ADGRL3: variants seen among roughly 807,000 people sequenced by gnomAD.
ADGRL3 encodes the protein adhesion G protein-coupled receptor L3, also known as calcium-independent alpha-latrotoxin receptor 3.
Under a neutral mutation model 153.5 loss-of-function variants are expected in ADGRL3, and 62 were observed. The ratio of observed to expected loss-of-function variants is 0.40; its 90% CI spans 0.33 to 0.50. The LOEUF (loss-of-function observed/expected upper bound fraction) is 0.50. Among genes scored for constraint, ADGRL3 ranks in the 20% least tolerant of loss-of-function variants. The pLI, the probability that ADGRL3 is intolerant of heterozygous loss-of-function variation, is 0.47. For missense variants in ADGRL3, 1,641 were observed against 1,859.4 expected (o/e 0.88, Z 2.16); for synonymous variants, 710 against 672.5 (o/e 1.06, Z -0.86).
At chr4:61,988,081 T>A (rs2099091907) in intron 19 of ADGRL3, among the ~76,000 whole-genome samples, 1 of 152,166 alleles carries the variant, frequency 6.6e-6, no homozygotes, top group African/African-American at 2.4e-5. Context: ...TGGATTTTGA[T>A]GTTTTTCTAT....
intron 1 of ADGRL3, among the ~76,000 whole-genome samples, chr4:61,265,315 A>G (rs955610536): frequency 2.0e-5 from 3 of 151,920 alleles, no homozygotes; most frequent in African/African-American, 4.8e-5. Context: ...ACAATTCACA[A>G]GATTATTTCT....
At chr4:61,854,662 T>C (rs952431558) in intron 9 of ADGRL3, among the ~76,000 whole-genome samples, 1 of 152,164 alleles carries the variant, frequency 6.6e-6, no homozygotes, top group Non-Finnish European at 1.5e-5. Flanking sequence ...TGGAGCTTAA[T>C]CCCTTCCTCT....
intron 4 of ADGRL3, among the ~76,000 whole-genome samples, chr4:61,547,528 T>C (rs2098719468): frequency 6.6e-6 from 1 of 152,136 alleles, no homozygotes; most frequent in African/African-American, 2.4e-5. Flanking sequence ...TTTCTGTTCC[T>C]GTGTTAGTTT....
chr4:61,735,708 G>A (rs2096499606), intron 8 of ADGRL3, among the ~76,000 whole-genome samples: 1 of 151,880 alleles, frequency 6.6e-6, no homozygotes, highest in South Asian at 2.1e-4. Context: ...ATTTTTTTAG[G>A]TAATCAGTGA....
chr4:61,691,077 A>G (rs1349505331), intron 6 of ADGRL3, among the ~76,000 whole-genome samples: 1 of 152,174 alleles, frequency 6.6e-6, no homozygotes, highest in Non-Finnish European at 1.5e-5. Context: ...GTAAGTGTAA[A>G]GTGAGAAACA....
chr4:61,676,279 T>A (rs369914643), intron 5 of ADGRL3, among the ~76,000 whole-genome samples: 4 of 151,982 alleles, frequency 2.6e-5, no homozygotes, highest in African/African-American at 7.2e-5. Context: ...AATATTATAT[T>A]AATTTTTACA....
chr4:61,242,661 G>T (rs1230670135), intron 1 of ADGRL3, among the ~76,000 whole-genome samples: 1 of 151,950 alleles, frequency 6.6e-6, no homozygotes, highest in Non-Finnish European at 1.5e-5. Flanking sequence ...AATTAGCAGT[G>T]CAGAAAACAC....
chr4:61,400,144 C>A (rs997001885), intron 2 of ADGRL3, among the ~76,000 whole-genome samples: 1 of 151,542 alleles, frequency 6.6e-6, no homozygotes, highest in South Asian at 2.1e-4. Flanking sequence ...TTTTAAACTG[C>A]AGTTAAATAA....
intron 5 of ADGRL3, among the ~76,000 whole-genome samples, chr4:61,624,648 A>G (rs1273259592): frequency 1.3e-5 from 2 of 152,106 alleles, no homozygotes; most frequent in East Asian, 3.8e-4. Context: ...AATTGAAAAA[A>G]TAGTCCATAA....
intron 1 of ADGRL3, among the ~76,000 whole-genome samples, chr4:61,229,143 G>C (rs192859947): frequency 6.4e-4 from 97 of 152,284 alleles, no homozygotes; most frequent in African/African-American, 1.3e-3. Context: ...ATAGGCTGAG[G>C]CTTTGATTAT....
intron 8 of ADGRL3, among the ~76,000 whole-genome samples, chr4:61,759,097 C>G (rs1192082726): frequency 6.6e-6 from 1 of 152,154 alleles, no homozygotes; most frequent in African/African-American, 2.4e-5. Flanking sequence ...GCCTTTCTTT[C>G]TGGCTGCCCT....
chr4:61,271,743 A>G (rs2093191508), intron 1 of ADGRL3, among the ~76,000 whole-genome samples: 1 of 152,020 alleles, frequency 6.6e-6, no homozygotes, highest in Non-Finnish European at 1.5e-5. Context: ...ATGGAGGAAG[A>G]CGTCACTTAA....
At chr4:61,224,437 T>G (rs1747002566) in intron 1 of ADGRL3, among the ~76,000 whole-genome samples, 1 of 152,228 alleles carries the variant, frequency 6.6e-6, no homozygotes, top group Admixed American at 6.5e-5. Flanking sequence ...GATTAAAAAT[T>G]TATTGCTTCT....
At chr4:61,604,303 A>C (rs1263054516) in intron 5 of ADGRL3, among the ~76,000 whole-genome samples, 2 of 152,176 alleles carry the variant, frequency 1.3e-5, no homozygotes, top group Non-Finnish European at 2.9e-5. Context: ...TGAGGTCTAG[A>C]TAATTAAAAT....
chr4:61,857,933 T>C (rs1045626201), intron 9 of ADGRL3, among the ~76,000 whole-genome samples: 1 of 152,096 alleles, frequency 6.6e-6, no homozygotes. Context: ...GGTTTAGTAA[T>C]AATAATAGGG....
intron 2 of ADGRL3, among the ~76,000 whole-genome samples, chr4:61,432,786 T>C (rs1223479308): frequency 6.6e-6 from 1 of 151,514 alleles, no homozygotes; most frequent in Admixed American, 6.6e-5. Flanking sequence ...CCTGAGTAGC[T>C]GGGGTTATAG....
chr4:61,992,920 A>G (rs1291061850), intron 19 of ADGRL3, among the ~76,000 whole-genome samples: 3 of 152,292 alleles, frequency 2.0e-5, no homozygotes, highest in African/African-American at 7.2e-5. Context: ...CCCTTAGTCC[A>G]AGACAACTGT....
chr4:62,019,535 TATA>T (rs2099228299), intron 21 of ADGRL3, among the ~76,000 whole-genome samples: 1 of 152,258 alleles, frequency 6.6e-6, no homozygotes, highest in Admixed American at 6.5e-5. Context: ...TTAAATGTTC[TATA>T]ATATTTCTTA....
intron 5 of ADGRL3, among the ~76,000 whole-genome samples, chr4:61,647,293 G>T (rs1444497055): frequency 6.6e-6 from 1 of 152,068 alleles, no homozygotes; most frequent in Non-Finnish European, 1.5e-5. Context: ...CGGCCATCTT[G>T]GCTCCTCCCC....
Sources: allele counts gnomAD v4.1 joint callset (sites outside exome capture counted in the v4.1 genomes callset), GRCh38; gene constraint gnomAD v4.1.1; transcripts MANE v1.5; gene names NCBI Gene and HGNC (gene_info 2026-07-23, HGNC 2026-07-21).